The following CC2D2B variants were observed in gnomAD, a reference collection of about 807,000 sequenced individuals.
CC2D2B encodes the protein protein CC2D2B.
Under a neutral mutation model 161.2 loss-of-function variants are expected in CC2D2B, and 128 were observed. That is an observed-to-expected ratio of 0.79 (90% CI 0.69 to 0.92). The LOEUF is 0.92. Ranked by LOEUF, CC2D2B falls within the 40% of genes least tolerant of loss-of-function variation. The pLI is 0.00. For missense variants in CC2D2B, 1,173 were observed against 1,375.1 expected, an observed-to-expected ratio of 0.85 and a Z score of 2.32; for synonymous variants, 391 against 449.8, an observed-to-expected ratio of 0.87 and a Z score of 1.65.
intron 20 of CC2D2B, among the ~76,000 whole-genome samples, chr10:95,991,121 A>T (rs2077938936): frequency 6.6e-6 from 1 of 152,202 alleles, no homozygotes; most frequent in South Asian, 2.1e-4. Context: ...AGAGTTTAGG[A>T]TGAGATGAAC....
chr10:96,023,137 G>A (rs779918426), intron 32 of CC2D2B, among the ~76,000 whole-genome samples: 2 of 152,198 alleles, frequency 1.3e-5, no homozygotes, highest in Non-Finnish European at 2.9e-5. Context: ...AAGGGCTGCT[G>A]TGATCAAAAT....
chr10:95,953,395 G>T (rs1467703156), intron 10 of CC2D2B, among the ~76,000 whole-genome samples: 1 of 151,902 alleles, frequency 6.6e-6, no homozygotes, highest in Non-Finnish European at 1.5e-5. Context: ...AAGAAACAAG[G>T]TCTTGCTGTA....
In CC2D2B at chr10:95,989,374, G is replaced by A. The variant is rs538627065; in HGVS notation, c.2379+1032G>A. ...TTCTTCTAGTTCGTACACCATGACT[G>A]TGAGATGGAATGTGGACCGCTGTAG... On this transcript the variant is annotated intron_variant, in intron 20 of 34. Transcript: ENST00000646931. Among the ~76,000 whole-genome samples the A allele has an allele frequency of 2.0e-5, 3 of 152,332 alleles. No individual in the cohort carries two copies. The South Asian group carries it at 6.2e-4, about 32-fold the overall frequency.
At position 95,992,507 on chromosome 10, in the gene CC2D2B, G is replaced by T. The variant is rs1214601289; in HGVS notation, c.2472-20G>T. 7.3e-6 allele frequency: 9 copies of T among 1,233,532 alleles called. No homozygotes were observed. Among genetic ancestry groups the T allele is most frequent in the African/African-American group, 1.6e-5 (1 of 64,456 alleles). The allele number at this position is 1,233,532 out of a possible 1,614,324, so 76.4% of individuals were successfully genotyped here. ...CCAAGAAAACGTAAATGAGGCTAAT[G>T]ATCATTTTTTACCCTTTAGCCAATT... On this transcript the variant is annotated intron_variant, in intron 21 of 34. Transcript: ENST00000646931.
chr10:95,993,940 GTGTATGTATGTGTATA>G (rs1215206201), intron 22 of CC2D2B, among the ~76,000 whole-genome samples: 18 of 26,292 alleles, frequency 6.8e-4, no homozygotes, highest in African/African-American at 3.1e-3. Flanking sequence ...GTGTGTGTGT[GTGTATGTATGTGTATA>G]TATATATATA....
Position 96,027,394 on chromosome 10 carries a change from G to A in CC2D2B, c.4125+5G>A, listed in dbSNP as rs1027701090. On this transcript the variant is annotated splice_donor_5th_base_variant and intron_variant, in intron 34 of 34. Coordinates refer to ENST00000646931, the MANE Select transcript of CC2D2B (RefSeq NM_001349008.3). ...AGAATACTACAATTTTATTGGGTTT[G>A]TATATGATTTAATGCATTAATGACA... 5.9e-6 allele frequency: 9 copies of A among 1,530,400 alleles called. No individual in the cohort carries two copies. The highest frequency in any genetic ancestry group is 4.1e-5 in the African/African-American group (3 of 72,350). The allele number at this position is 1,530,400 out of a possible 1,614,324, so 94.8% of individuals were successfully genotyped here. A position where few individuals can be genotyped will look rare whatever the true frequency, so the allele number is the denominator to read the frequency against.
intron 10 of CC2D2B, among the ~76,000 whole-genome samples, chr10:95,951,666 T>C (rs1007167757): frequency 1.2e-4 from 18 of 152,214 alleles, no homozygotes; most frequent in Admixed American, 7.9e-4. Flanking sequence ...TTCTGCTTTA[T>C]AGAATTTTTT....
intron 26 of CC2D2B, 81 bp from the exon 27 acceptor site, chr10:96,012,104 A>G (rs543062355): frequency 5.4e-6 from 3 of 556,964 alleles, no homozygotes; most frequent in Admixed American, 7.2e-5. Flanking sequence ...TCTGTGATGG[A>G]GTGGACTCTG....
At chr10:95,979,869 C>G (rs1224111777) in intron 17 of CC2D2B, among the ~76,000 whole-genome samples, 3 of 152,162 alleles carry the variant, frequency 2.0e-5, no homozygotes, top group Admixed American at 2.0e-4. Flanking sequence ...CTTAATGCCA[C>G]TGAATTGTGT....
chr10:96,015,251 T>TTTG (rs2079145223), intron 29 of CC2D2B, among the ~76,000 whole-genome samples: 2 of 147,938 alleles, frequency 1.4e-5, no homozygotes, highest in African/African-American at 5.0e-5. Flanking sequence ...TTTTTTTTTT[T>TTTG]GTATTTTAGC....
intron 11 of CC2D2B, among the ~76,000 whole-genome samples, chr10:95,958,503 AAATT>A (rs1425186836): frequency 5.3e-5 from 8 of 151,168 alleles, no homozygotes; most frequent in Admixed American, 2.0e-4. Context: ...GTAAATAAAT[AAATT>A]AATTAATTAA....
chr10:96,003,111 T>A (rs1050676860), intron 24 of CC2D2B, among the ~76,000 whole-genome samples: 1 of 151,540 alleles, frequency 6.6e-6, no homozygotes, highest in Non-Finnish European at 1.5e-5. Context: ...GCTCTGTGAT[T>A]TGCTGGTGGC....
intron 6 of CC2D2B, among the ~76,000 whole-genome samples, chr10:95,934,419 C>T (rs944283512): frequency 6.7e-6 from 1 of 149,188 alleles, no homozygotes; most frequent in African/African-American, 2.5e-5. Context: ...GTTGGCGTTC[C>T]AGGCACCACT....
At chr10:95,923,720 A>G (rs1040637386) in intron 3 of CC2D2B, among the ~76,000 whole-genome samples, 1 of 152,202 alleles carries the variant, frequency 6.6e-6, no homozygotes, top group African/African-American at 2.4e-5. Context: ...ATAATTAAAA[A>G]TTTAAAAAAG....
intron 1 of CC2D2B, among the ~76,000 whole-genome samples, chr10:95,909,839 G>A (rs918508569): frequency 1.3e-5 from 2 of 152,152 alleles, no homozygotes; most frequent in African/African-American, 2.4e-5. Flanking sequence ...TCTTGTGCCC[G>A]CAGAATTGAT....
chr10:95,924,852 A>T lies in CC2D2B; in HGVS notation c.240+8A>T. On this transcript the variant is annotated splice_region_variant and intron_variant, in intron 5 of 34. Coordinates refer to ENST00000646931, the MANE Select transcript of CC2D2B (RefSeq NM_001349008.3). ...ATACATCAAAGGTCCAAGGTGAATA[A>T]CTTTTCTCTTTTTTTACTTTTTAAA... The T allele has an allele frequency of 6.5e-7, 1 of 1,535,926 alleles. No individual in the cohort carries two copies. The highest frequency in any genetic ancestry group is 8.8e-7 in the Non-Finnish European group (1 of 1,133,826).
chr10:95,988,264 GA>G lies in CC2D2B; in HGVS notation c.2304del (p.Glu769ArgfsTer9). 4 of 1,217,410 alleles carry G rather than the reference GA, an allele frequency of 3.3e-6. No homozygotes were observed. The highest frequency in any genetic ancestry group is 4.1e-6 in the Non-Finnish European group (4 of 972,908). 75.4% of individuals were successfully genotyped at this position (1,217,410 alleles called of 1,614,324 possible). On this transcript the variant is annotated frameshift_variant, in exon 20 of 35. Transcript: ENST00000646931. LOFTEE classifies it high-confidence loss of function. ...DLVFQEYESQKEKEVSVSDVN... is the reference protein window; with the variant it reads ...DLVFQEYESQXEKEVSVSDVN... ...TCTGTATTTAGGAGTATGAAAGTCAGAAAGAGAAGGAGGTATCCGTTTCAGA... is the reference window on the plus strand; with the variant it reads ...TCTGTATTTAGGAGTATGAAAGTCAGAAGAGAAGGAGGTATCCGTTTCAGA...
intron 2 of CC2D2B, among the ~76,000 whole-genome samples, chr10:95,915,882 G>T (rs1264994394): frequency 6.6e-6 from 1 of 152,020 alleles, no homozygotes; most frequent in Non-Finnish European, 1.5e-5. Flanking sequence ...ATGTCACTTT[G>T]TCTGGTTTTA....
intron 15 of CC2D2B, among the ~76,000 whole-genome samples, chr10:95,969,950 A>C (rs962503480): frequency 6.6e-6 from 1 of 152,168 alleles, no homozygotes; most frequent in Non-Finnish European, 1.5e-5. Flanking sequence ...TCTAGTTAAG[A>C]GATAAATTCA....
Sources: allele counts gnomAD v4.1 joint callset (sites outside exome capture counted in the v4.1 genomes callset), GRCh38; gene constraint gnomAD v4.1.1; transcripts MANE v1.5; gene names NCBI Gene and HGNC (gene_info 2026-07-23, HGNC 2026-07-21).